The following SCUBE1 variants were observed in gnomAD, a reference collection of about 807,000 sequenced individuals.
SCUBE1 encodes signal peptide, CUB domain and EGF like domain containing 1, also known as signal peptide, CUB and EGF-like domain-containing protein 1.
SCUBE1 carries 59 observed loss-of-function variants against 124.4 expected under a neutral mutation model. The observed-to-expected ratio is 0.47, with a 90% CI of 0.38 to 0.59. SCUBE1 has a LOEUF of 0.59. SCUBE1 is among the 20% of genes least tolerant of loss of function. The pLI is 0.00. For missense variants in SCUBE1, 1,150 were observed against 1,371.2 expected (o/e 0.84, Z 2.55); for synonymous variants, 545 against 550.9 (o/e 0.99, Z 0.15).
At chr22:43,271,265 T>C (rs1323631515) in intron 4 of SCUBE1, among the ~76,000 whole-genome samples, 1 of 152,102 alleles carries the variant, frequency 6.6e-6, no homozygotes, top group African/African-American at 2.4e-5. Context: ...ACACATTGTC[T>C]CCCTCCCTCC....
chr22:43,246,686 C>A (rs922004528), intron 6 of SCUBE1, among the ~76,000 whole-genome samples: 1 of 152,234 alleles, frequency 6.6e-6, no homozygotes, highest in Non-Finnish European at 1.5e-5. Context: ...TACAGCTCAG[C>A]CTGGAGGCTG....
At chr22:43,269,319 C>T (rs554339458) in intron 4 of SCUBE1, among the ~76,000 whole-genome samples, 5 of 152,102 alleles carry the variant, frequency 3.3e-5, no homozygotes, top group Admixed American at 2.6e-4. Context: ...CTAGAGTGTG[C>T]GCAGAGAGAA....
At chr22:43,297,217 C>T (rs2146758708) in intron 3 of SCUBE1, among the ~76,000 whole-genome samples, 1 of 152,364 alleles carries the variant, frequency 6.6e-6, no homozygotes, top group East Asian at 1.9e-4. Flanking sequence ...CATGAGACAG[C>T]CCTGGCTTGG....
Position 43,198,531 on chromosome 22 carries a change from A to C in SCUBE1, c.*5466T>G. ...GGGGCAGAGGCAGCCGCGGTAGAAT[A>C]GGAGGCGCTCTCTGCTCTCTCTCCA... On this transcript the variant is annotated 3_prime_UTR_variant, in exon 22 of 22. Coordinates refer to ENST00000360835, the MANE Select transcript of SCUBE1 (RefSeq NM_173050.5). 2 of 456,616 alleles carry C rather than the reference A, an allele frequency of 4.4e-6. No homozygotes were observed. Among genetic ancestry groups the C allele is most frequent in the South Asian group, 3.1e-5 (2 of 64,566 alleles). 28.3% of individuals were successfully genotyped at this position (456,616 alleles called of 1,614,324 possible).
intron 3 of SCUBE1, among the ~76,000 whole-genome samples, chr22:43,309,974 C>T (rs1443243853): frequency 6.6e-6 from 1 of 152,214 alleles, no homozygotes; most frequent in Non-Finnish European, 1.5e-5. Flanking sequence ...CACTCTGCCT[C>T]TCTACTCAGC....
chr22:43,337,070 A>T (rs552249101), intron 2 of SCUBE1, among the ~76,000 whole-genome samples: 1 of 151,532 alleles, frequency 6.6e-6, no homozygotes, highest in East Asian at 1.9e-4. Flanking sequence ...AGATAGGGAG[A>T]CCCCTGGCAG....
rs572846807 is a variant in SCUBE1, at chr22:43,210,360, C to A, written c.2384-120G>T. 4.0e-5 allele frequency: 33 copies of A among 817,604 alleles called. No homozygotes were observed. Among genetic ancestry groups the A allele is most frequent in the South Asian group, 8.6e-5 (4 of 46,308 alleles). The allele number at this position is 817,604 out of a possible 1,614,324, so 50.6% of individuals were successfully genotyped here. On this transcript the variant is annotated intron_variant, in intron 18 of 21. Transcript: ENST00000360835. This position sits in a 1 kb window ranked among gnomAD's most constrained non-coding sequence, Gnocchi z 4.5. ...GCTGGAAGGTGCTCTTGTCCCCCCC[C>A]ACACTAGCCCTCGGACCCTGAGCCC...
rs115881603 is a variant in SCUBE1, at chr22:43,307,724, C to T, written c.349+12213G>A. On this transcript the variant is annotated intron_variant, in intron 3 of 21. Coordinates refer to ENST00000360835, the MANE Select transcript of SCUBE1 (RefSeq NM_173050.5). The stretch of plus-strand genomic sequence containing the variant: ...TCTCCCGTTCAGCCACAGCGTGAGG[C>T]CCCTGCATGATTCCGCTTCGGAAAA... Among the ~76,000 whole-genome samples, 690 of 152,326 alleles carry T rather than the reference C, an allele frequency of 4.5e-3. 5 individuals are homozygous for T. Among genetic ancestry groups the T allele is most frequent in the African/African-American group, 0.015 (641 of 41,558 alleles).
chr22:43,279,500 C>T lies in SCUBE1; in HGVS notation c.484+11546G>A, dbSNP rs143445433. ...TGATGTTGAAACTGAACCCCTATTG[C>T]GGCAGCCCTCACCAGACAGTGAATC... On this transcript the variant is annotated intron_variant, in intron 4 of 21. Coordinates refer to ENST00000360835, the MANE Select transcript of SCUBE1 (RefSeq NM_173050.5). Among the ~76,000 whole-genome samples the T allele has an allele frequency of 4.4e-3, 665 of 152,356 alleles. 6 individuals carry two copies. The highest frequency in any genetic ancestry group is 0.015 in the African/African-American group (623 of 41,578).
chr22:43,316,474 T>C (rs1242327449), intron 3 of SCUBE1, among the ~76,000 whole-genome samples: 1 of 152,182 alleles, frequency 6.6e-6, no homozygotes, highest in African/African-American at 2.4e-5. Context: ...AGCACTTATG[T>C]TTTGGGAGGA....
chr22:43,296,252 T>C (rs1399837000), intron 3 of SCUBE1, among the ~76,000 whole-genome samples: 1 of 152,136 alleles, frequency 6.6e-6, no homozygotes, highest in African/African-American at 2.4e-5. Flanking sequence ...CAGAAAACAT[T>C]TGTGCAGCCT....
At chr22:43,285,251 G>A (rs1211731046) in intron 4 of SCUBE1, among the ~76,000 whole-genome samples, 1 of 152,086 alleles carries the variant, frequency 6.6e-6, no homozygotes, top group Non-Finnish European at 1.5e-5. Flanking sequence ...CTAACAGCAC[G>A]ACCTGAGGGC....
chr22:43,266,112 A>C (rs1924054706), intron 4 of SCUBE1, among the ~76,000 whole-genome samples: 1 of 152,190 alleles, frequency 6.6e-6, no homozygotes, highest in Admixed American at 6.5e-5. Flanking sequence ...AAGAAAAAAA[A>C]AATATTACAT....
intron 14 of SCUBE1, 97 bp downstream of exon 14, chr22:43,220,353 G>A: frequency 7.3e-7 from 1 of 1,373,162 alleles, no homozygotes. Context: ...TGCTCTGGTG[G>A]GAGCCTAGCT....
intron 4 of SCUBE1, among the ~76,000 whole-genome samples, chr22:43,265,507 C>T (rs1924028173): frequency 6.6e-6 from 1 of 152,204 alleles, no homozygotes. Flanking sequence ...TGAGGTAGAA[C>T]TGAGGTCCTG....
chr22:43,300,380 T>C lies in SCUBE1; in HGVS notation c.350-9200A>G, dbSNP rs967527296. Among the ~76,000 whole-genome samples, 4 of 151,916 alleles carry C rather than the reference T, an allele frequency of 2.6e-5. No individual in the cohort carries two copies. The South Asian group carries it at 8.3e-4, about 32-fold the overall frequency. On this transcript the variant is annotated intron_variant, in intron 3 of 21. Coordinates refer to ENST00000360835, the MANE Select transcript of SCUBE1 (RefSeq NM_173050.5). ...TGATTTTCATTTTTCTAATGACTAA[T>C]GATGTTGAACAGCTTTTCACATGCT... is the stretch of plus-strand genomic sequence containing the variant.
Position 43,198,270 on chromosome 22 carries a change from G to A in SCUBE1, c.*5727C>T, listed in dbSNP as rs969625590. 3 of 302,540 alleles carry A rather than the reference G, an allele frequency of 9.9e-6. No homozygotes were observed. The highest frequency in any genetic ancestry group is 2.0e-5 in the Non-Finnish European group (3 of 151,752). The allele number at this position is 302,540 out of a possible 1,614,324, so 18.7% of individuals were successfully genotyped here. On this transcript the variant is annotated 3_prime_UTR_variant, in exon 22 of 22. Transcript: ENST00000360835. ...CTTGGGGGGTGCAGACAATTCCAGG[G>A]GGCTCACTCAGGGGCTCTGAGTGGC...
At chr22:43,320,862 A>C (rs1926518687) in intron 2 of SCUBE1, among the ~76,000 whole-genome samples, 3 of 152,190 alleles carry the variant, frequency 2.0e-5, no homozygotes, top group African/African-American at 7.2e-5. Context: ...TGGGATTCAA[A>C]CTCGTGGGTT....
chr22:43,266,207 C>T (rs760507443), intron 4 of SCUBE1, among the ~76,000 whole-genome samples: 13 of 152,202 alleles, frequency 8.5e-5, no homozygotes, highest in South Asian at 2.1e-4. Flanking sequence ...CAGGCCCGCG[C>T]GAGCCAGGCT....
Sources: allele counts gnomAD v4.1 joint callset (sites outside exome capture counted in the v4.1 genomes callset), GRCh38; gene constraint gnomAD v4.1.1; non-coding constraint Gnocchi (gnomAD v3.1); transcripts MANE v1.5; gene names NCBI Gene and HGNC (gene_info 2026-07-23, HGNC 2026-07-21).